ZNF695: variants seen among roughly 807,000 people sequenced by gnomAD.
ZNF695 encodes zinc finger protein 695, also known as zinc finger protein SBZF3.
A neutral mutation model predicts 11.2 loss-of-function variants in ZNF695; 11 were observed. That is an observed-to-expected ratio of 0.98 (90% CI 0.62 to 1.62). ZNF695 has a LOEUF of 1.62. ZNF695 is among the 40% of genes most tolerant of loss of function. The pLI, the probability that ZNF695 is intolerant of heterozygous loss-of-function variation, is 0.00. For missense variants in ZNF695, 559 were observed against 590.5 expected, an observed-to-expected ratio of 0.95 and a Z score of 0.55; for synonymous variants, 190 against 201.4, an observed-to-expected ratio of 0.94 and a Z score of 0.48.
At chr1:246,977,125 T>TA (rs1399175854) in intron 4 of ZNF695, among the ~76,000 whole-genome samples, 6 of 152,218 alleles carry the variant, frequency 3.9e-5, no homozygotes, top group Non-Finnish European at 5.9e-5. Flanking sequence ...GATATAAATG[T>TA]AAGAGCGTTG....
At chr1:246,988,767 C>T (rs1269445730) in intron 3 of ZNF695, among the ~76,000 whole-genome samples, 2 of 152,122 alleles carry the variant, frequency 1.3e-5, no homozygotes, top group African/African-American at 4.8e-5. Context: ...TTCAGCCTGA[C>T]CAACATAGAG....
intron 3 of ZNF695, among the ~76,000 whole-genome samples, chr1:246,994,869 C>CA (rs1281250142): frequency 6.6e-6 from 1 of 151,778 alleles, no homozygotes; most frequent in African/African-American, 2.4e-5. Flanking sequence ...AACAAACAAA[C>CA]AAAAAACACG....
chr1:246,956,377 A>T (rs1668002141), intron 5 of ZNF695, among the ~76,000 whole-genome samples: 1 of 149,708 alleles, frequency 6.7e-6, no homozygotes, highest in African/African-American at 2.4e-5. Context: ...GCACTCTGGG[A>T]GGCTGAGGCA....
intron 3 of ZNF695, among the ~76,000 whole-genome samples, chr1:246,994,393 T>C (rs771137347): frequency 4.0e-4 from 60 of 151,718 alleles, no homozygotes; most frequent in Non-Finnish European, 7.4e-4. Flanking sequence ...ATACGAAAAT[T>C]AGCTGGGCGT....
chr1:246,987,388 C>T lies in ZNF695; in HGVS notation c.1127G>A (p.Gly376Asp). Reference protein sequence around the residue: ...HLTEHRRIHTGEKPYKCEECG... With the variant: ...HLTEHRRIHTDEKPYKCEECG... Reference sequence around the variant, plus strand: ...TTCCTCACATTTGTATGGTTTCTCACCAGTATGAATTCTCCTATGTTCAGT... The same window carrying T: ...TTCCTCACATTTGTATGGTTTCTCATCAGTATGAATTCTCCTATGTTCAGT... The change falls in exon 4 of 4, where the codon GGT becomes GAT. Residue 376 changes from glycine (G) to aspartate (D), a missense_variant. By Grantham distance (94) the Gly-to-Asp change is moderately conservative. Coordinates refer to ENST00000339986, the MANE Select transcript of ZNF695 (RefSeq NM_020394.5). The T allele has an allele frequency of 6.2e-7, 1 of 1,613,100 alleles. No homozygotes were observed.
chr1:246,967,351 C>T, intron 5 of ZNF695: 2 of 456,404 alleles, frequency 4.4e-6, no homozygotes, highest in Admixed American at 2.3e-5. Context: ...TGCAAAACCC[C>T]AAGCTAGAAA....
At chr1:246,971,185 G>C (rs1448891150) in intron 4 of ZNF695, among the ~76,000 whole-genome samples, 1 of 152,214 alleles carries the variant, frequency 6.6e-6, no homozygotes. Flanking sequence ...CCACCGGAGA[G>C]GGGGCCCTTC....
intron 4 of ZNF695, chr1:246,968,689 A>G (rs1459422784): frequency 6.6e-6 from 1 of 152,260 alleles, no homozygotes; most frequent in Non-Finnish European, 1.5e-5. Flanking sequence ...GTTTCCATAC[A>G]TCCTCAGAAA....
chr1:246,945,945 G>A, intron 5 of ZNF695: 1 of 1,304,352 alleles, frequency 7.7e-7, no homozygotes, highest in Non-Finnish European at 1.1e-6. Flanking sequence ...GGAGAAGTCT[G>A]TCTGTCCCTT....
intron 5 of ZNF695, among the ~76,000 whole-genome samples, chr1:246,953,383 C>A (rs976701391): frequency 6.6e-6 from 1 of 151,398 alleles, no homozygotes; most frequent in African/African-American, 2.4e-5. Context: ...CCGAGGCGGG[C>A]GGATCACGAG....
intron 5 of ZNF695, among the ~76,000 whole-genome samples, chr1:246,948,511 C>A (rs1667794173): frequency 6.6e-6 from 1 of 152,124 alleles, no homozygotes; most frequent in Non-Finnish European, 1.5e-5. Flanking sequence ...ACTTGGCTGA[C>A]TTTTTTTCCA....
rs1348619907 is a variant in ZNF695 at position 246,957,634 on chromosome 1, G to A, written c.488+10061C>T. Among the ~76,000 whole-genome samples, 5 of 152,012 alleles carry A rather than the reference G, an allele frequency of 3.3e-5. No homozygotes were observed. The East Asian group carries it at 9.6e-4, about 29-fold the overall frequency. The stretch of plus-strand genomic sequence containing the variant: ...AATACCTTTCTAGAAACACATTGTG[G>A]CAGATTGGGTTTTTTTTTGAGATAG... On this transcript the variant is annotated intron_variant, in intron 5 of 5. Coordinates refer to the ZNF695 transcript ENST00000487338.
intron 4 of ZNF695, among the ~76,000 whole-genome samples, chr1:246,977,315 G>A (rs1217040227): frequency 6.6e-6 from 1 of 152,220 alleles, no homozygotes; most frequent in Non-Finnish European, 1.5e-5. Flanking sequence ...GGAGTGCAGT[G>A]GTGTGATCTT....
intron 5 of ZNF695, chr1:246,967,634 T>C: frequency 2.7e-6 from 1 of 364,728 alleles, no homozygotes; most frequent in South Asian, 2.1e-5. Flanking sequence ...ATTCTTGCAT[T>C]GCTATAAAGA....
At chr1:247,004,840 AAATAAAATACCTAGG>A (rs1269745122) in intron 1 of ZNF695, among the ~76,000 whole-genome samples, 27 of 152,234 alleles carry the variant, frequency 1.8e-4, no homozygotes, top group Non-Finnish European at 3.5e-4. Flanking sequence ...CGATAGCAAC[AAATAAAATACCTAGG>A]AATAAACTTA....
intron 5 of ZNF695, among the ~76,000 whole-genome samples, chr1:246,950,988 C>A (rs1213325624): frequency 6.6e-6 from 1 of 152,088 alleles, no homozygotes; most frequent in Non-Finnish European, 1.5e-5. Context: ...AAACAATATA[C>A]AGTTAGTAAT....
At position 246,986,373 on chromosome 1, in the gene ZNF695, A is replaced by C. The variant is rs78002447; in HGVS notation, c.*594T>G. On this transcript the variant is annotated 3_prime_UTR_variant, in exon 4 of 4. Transcript: ENST00000339986. ...AAGAGCCACCGTGCCTGGCACCAAA[A>C]GGTATACTTGAAATGTAATTATAAC... 1.6e-5 allele frequency: 16 copies of C among 985,466 alleles called. No homozygotes were observed. In the East Asian group the frequency reaches 1.6e-3, roughly 98 times the overall value. The allele number at this position is 985,466 out of a possible 1,614,324, so 61.0% of individuals were successfully genotyped here.
chr1:246,967,649 C>T (rs908582324), intron 5 of ZNF695: 1 of 358,360 alleles, frequency 2.8e-6, no homozygotes, highest in South Asian at 2.1e-5. Context: ...TAAAGAACCA[C>T]CTGAGACTGG....
At chr1:246,971,124 A>T (rs1222179939) in intron 4 of ZNF695, among the ~76,000 whole-genome samples, 6 of 152,204 alleles carry the variant, frequency 3.9e-5, no homozygotes, top group Non-Finnish European at 7.3e-5. Context: ...TTGGCAGGGT[A>T]AGGAGTGTGA....
Sources: gnomAD v4.1 joint callset for allele counts (sites outside exome capture counted in the v4.1 genomes callset) on GRCh38, gnomAD v4.1.1 for gene constraint, MANE v1.5 for transcripts, NCBI Gene and HGNC (gene_info 2026-07-23, HGNC 2026-07-21) for gene names.